SPATA7: variants seen among roughly 807,000 people sequenced by gnomAD.
SPATA7 encodes the protein spermatogenesis associated 7, also known as spermatogenesis-associated protein 7.
SPATA7 carries 43 observed loss-of-function variants against 51.8 expected under a neutral mutation model. The ratio of observed to expected loss-of-function variants is 0.83; its 90% CI spans 0.65 to 1.07. The LOEUF (loss-of-function observed/expected upper bound fraction) is 1.07, where lower values mean the gene tolerates loss of function less well. SPATA7 is among the 50% of genes least tolerant of loss of function. SPATA7 has a pLI of 0.00. For synonymous variants in SPATA7, 230 were observed against 252.8 expected (o/e 0.91, Z 0.86); for missense variants, 683 against 701.3 (o/e 0.97, Z 0.30).
chr14:88,448,217 C>T (rs1260685468), intron 3 of SPATA7, among the ~76,000 whole-genome samples: 13 of 152,096 alleles, frequency 8.5e-5, no homozygotes, highest in Admixed American at 4.6e-4. Flanking sequence ...CTTCCCTTCC[C>T]GCTTCATTTC....
chr14:88,447,569 C>G (rs1566794523), intron 3 of SPATA7, among the ~76,000 whole-genome samples: 1 of 152,030 alleles, frequency 6.6e-6, no homozygotes, highest in East Asian at 1.9e-4. Flanking sequence ...GATGTAGTTT[C>G]TTCGTAGTCT....
At chr14:88,445,969 C>A (rs944643497) in intron 3 of SPATA7, among the ~76,000 whole-genome samples, 30 of 152,156 alleles carry the variant, frequency 2.0e-4, no homozygotes, top group African/African-American at 5.3e-4. Flanking sequence ...TATCTCTGTC[C>A]GGCTTTGGTA....
intron 6 of SPATA7, among the ~76,000 whole-genome samples, chr14:88,427,254 A>G (rs2076818983): frequency 6.6e-6 from 1 of 152,212 alleles, no homozygotes; most frequent in South Asian, 2.1e-4. Context: ...GCACAAGATG[A>G]ATGTTCAATA....
intron 3 of SPATA7, 97 bp from the exon 4 acceptor site, chr14:88,396,059 C>A: frequency 2.1e-6 from 2 of 939,176 alleles, no homozygotes; most frequent in Non-Finnish European, 3.4e-6. Flanking sequence ...GTATGATAAA[C>A]AGCTGCAAGG....
chr14:88,427,667 A>G lies in SPATA7; in HGVS notation c.883A>G (p.Met295Val), dbSNP rs368583613. The part of the protein sequence containing the change: ...SELGTAETKN[M>V]TDSEMNIKQA... Reference sequence around the variant, plus strand: ...GTTGGGGACAGCTGAGACTAAAAACATGACAGATTCAGAAATGAACATAAA... The same window carrying G: ...GTTGGGGACAGCTGAGACTAAAAACGTGACAGATTCAGAAATGAACATAAA... Residue 295 changes from methionine (M) to valine (V), a missense_variant, in exon 7 of 12, where the codon ATG becomes GTG. By Grantham distance (21) the Met-to-Val change is conservative (BLOSUM62 1). Transcript: ENST00000393545. 6 of 1,610,564 alleles carry G rather than the reference A, an allele frequency of 3.7e-6. No homozygotes were observed. The highest frequency in any genetic ancestry group is 3.4e-6 in the Non-Finnish European group (4 of 1,177,212).
intron 1 of SPATA7, 65 bp downstream of exon 1, chr14:88,385,902 C>T: frequency 6.4e-7 from 1 of 1,553,402 alleles, no homozygotes; most frequent in Non-Finnish European, 8.7e-7. Flanking sequence ...CTCCCAGCCT[C>T]GGGTCCGGGC....
At chr14:88,404,558 A>C (rs1408858288) in intron 4 of SPATA7, among the ~76,000 whole-genome samples, 1 of 152,156 alleles carries the variant, frequency 6.6e-6, no homozygotes, top group African/African-American at 2.4e-5. Context: ...CTCTACTAAA[A>C]ATACAGAAAT....
At chr14:88,447,286 A>G (rs2077220466) in intron 3 of SPATA7, among the ~76,000 whole-genome samples, 1 of 149,648 alleles carries the variant, frequency 6.7e-6, no homozygotes, top group African/African-American at 2.5e-5. Flanking sequence ...AGTCTGTTTT[A>G]TCAGAGACTA....
intron 7 of SPATA7, chr14:88,428,224 A>G (rs1193841491): frequency 6.6e-6 from 1 of 152,108 alleles, no homozygotes; most frequent in Admixed American, 6.6e-5. Context: ...TTCTTTTAAA[A>G]TATTGCAACT....
chr14:88,419,839 T>C lies in SPATA7; in HGVS notation c.372+2995T>C, dbSNP rs149520655. 1.1e-3 allele frequency among the ~76,000 whole-genome samples: 162 copies of C among 152,224 alleles called. 2 individuals are homozygous for C. The East Asian group carries it at 0.023, about 22-fold the overall frequency. On this transcript the variant is annotated intron_variant, in intron 5 of 11. Transcript: ENST00000393545. ...ATGGGGCATTTAATATGTTTTTATTTCTGGCTTCTTATTTCATACCTTCTA... is the reference window on the plus strand; with the variant it reads ...ATGGGGCATTTAATATGTTTTTATTCCTGGCTTCTTATTTCATACCTTCTA...
At chr14:88,432,834 G>A (rs1009020793) in intron 9 of SPATA7, 4 of 258,688 alleles carry the variant, frequency 1.5e-5, no homozygotes, top group African/African-American at 4.5e-5. Context: ...ATTTGATTGC[G>A]CCTTGTCCTT....
chr14:88,438,496 A>C (rs1374517757), downstream of SPATA7: 10 of 1,169,150 alleles, frequency 8.6e-6, no homozygotes, highest in Admixed American at 2.0e-4. Context: ...TGTATGTATA[A>C]GATTTCTCTA....
downstream of SPATA7, among the ~76,000 whole-genome samples, chr14:88,443,126 G>A (rs1005316616): frequency 1.3e-5 from 2 of 151,924 alleles, no homozygotes; most frequent in African/African-American, 4.8e-5. Context: ...TGTATTTTTA[G>A]TAGAGACATG....
intron 4 of SPATA7, among the ~76,000 whole-genome samples, chr14:88,402,457 A>G (rs74073668): frequency 0.035 from 5,360 of 152,242 alleles, 310 homozygotes; most frequent in African/African-American, 0.12. Context: ...TACCAGACCA[A>G]TGGAAAAGAA....
intron 4 of SPATA7, chr14:88,468,105 A>G (rs1212360597): frequency 1.9e-6 from 3 of 1,612,050 alleles, no homozygotes; most frequent in Non-Finnish European, 2.5e-6. Flanking sequence ...TAAACGCTTC[A>G]CATGACTGGC....
intron 7 of SPATA7, chr14:88,429,085 C>T (rs2076870816): frequency 1.3e-5 from 3 of 238,558 alleles, no homozygotes; most frequent in South Asian, 6.7e-5. Flanking sequence ...TTCATTTTTC[C>T]CTTTATATGT....
At position 88,396,161 on chromosome 14, in the gene SPATA7, G is replaced by A. The variant is rs958554500; in HGVS notation, c.196G>A (p.Val66Ile). 6.2e-6 allele frequency: 10 copies of A among 1,609,654 alleles called. No homozygotes were observed. Among genetic ancestry groups the A allele is most frequent in the African/African-American group, 1.3e-5 (1 of 74,664 alleles). Residue 66 changes from valine to isoleucine, a missense_variant, in exon 4 of 12, where the codon GTA becomes ATA. Transcript: ENST00000393545. ...CTATTACCTTTCTCTTTCAGCTGCA[G>A]TAGACTGCTCGGTTCCAGTAAGCGT... ...YNKILSAKAA[V>I]DCSVPVSVST...
At chr14:88,447,393 G>T (rs2077221350) in intron 3 of SPATA7, among the ~76,000 whole-genome samples, 1 of 150,914 alleles carries the variant, frequency 6.6e-6, no homozygotes, top group South Asian at 2.1e-4. Flanking sequence ...CACGTGAGAT[G>T]GGTTTCCTGA....
At chr14:88,463,188 A>G (rs548267413) in intron 4 of SPATA7, among the ~76,000 whole-genome samples, 1 of 152,098 alleles carries the variant, frequency 6.6e-6, no homozygotes, top group African/African-American at 2.4e-5. Context: ...CTTACTTCCC[A>G]TTTCAAGCCA....
Sources: allele counts gnomAD v4.1 joint callset (sites outside exome capture counted in the v4.1 genomes callset), GRCh38; gene constraint gnomAD v4.1.1; transcripts MANE v1.5; gene names NCBI Gene and HGNC (gene_info 2026-07-23, HGNC 2026-07-21).